The following RIMS2 variants were observed in gnomAD, a reference collection of about 807,000 sequenced individuals.
RIMS2 encodes regulating synaptic membrane exocytosis 2.
In RIMS2, 59 loss-of-function variants were observed where a neutral mutation model predicts 174.4. The ratio of observed to expected loss-of-function variants is 0.34; its 90% CI spans 0.27 to 0.42. The LOEUF (loss-of-function observed/expected upper bound fraction) is 0.42, where lower values mean the gene tolerates loss of function less well. Ranked by LOEUF, RIMS2 falls within the 10% of genes least tolerant of loss-of-function variation. The pLI is 1.00. For synonymous variants in RIMS2, 606 were observed against 572.5 expected, an observed-to-expected ratio of 1.06 and a Z score of -0.84; for missense variants, 1,620 against 1,666.3, an observed-to-expected ratio of 0.97 and a Z score of 0.48.
rs145309892 is a variant in RIMS2 at position 103,760,051 on chromosome 8, G to T, written c.388-6176G>T. 7.9e-5 allele frequency among the ~76,000 whole-genome samples: 12 copies of T among 152,312 alleles called. No individual in the cohort carries two copies. In the East Asian group the frequency reaches 2.3e-3, roughly 29 times the overall value. ...TAAAGAAGAATCTGGCAAGTGTGCT[G>T]TTGACAAAAATCAGATCAAAAATAG... On this transcript the variant is annotated intron_variant, in intron 2 of 23. Transcript: ENST00000504942.
At position 103,526,924 on chromosome 8, in the gene RIMS2, C is replaced by T. The variant is rs141874696; in HGVS notation, c.176+25862C>T. ...AAATTCACAAAGTGCTGCAAAACTA[C>T]GAAGGAGAAATAAAAGAAAACCATA... is the stretch of plus-strand genomic sequence containing the variant. On this transcript the variant is annotated intron_variant, in intron 1 of 23. Transcript: ENST00000504942. Among the ~76,000 whole-genome samples, 407 of 152,056 alleles carry T rather than the reference C, an allele frequency of 2.7e-3. 2 individuals are homozygous for T. Among genetic ancestry groups the T allele is most frequent in the Non-Finnish European group, 4.5e-3 (308 of 68,016 alleles).
At chr8:103,936,831 C>A in intron 13 of RIMS2, 109 bp downstream of exon 15, 1 of 833,530 alleles carries the variant, frequency 1.2e-6, no homozygotes, top group Non-Finnish European at 1.8e-6. Flanking sequence ...CATGGTGGCT[C>A]ATGCCTGTAA....
chr8:104,180,891 C>T (rs1207012977), intron 19 of RIMS2, among the ~76,000 whole-genome samples: 1 of 151,670 alleles, frequency 6.6e-6, no homozygotes, highest in Non-Finnish European at 1.5e-5. Flanking sequence ...CTTTCTAATT[C>T]TTCTCATTTA....
At chr8:104,116,313 T>A (rs2132047622) in intron 19 of RIMS2, among the ~76,000 whole-genome samples, 1 of 152,286 alleles carries the variant, frequency 6.6e-6, no homozygotes, top group South Asian at 2.1e-4. Flanking sequence ...ATCCATGGTA[T>A]TTCACAGGTA....
chr8:103,762,227 T>G (rs1224957775), intron 2 of RIMS2, among the ~76,000 whole-genome samples: 1 of 152,078 alleles, frequency 6.6e-6, no homozygotes, highest in Non-Finnish European at 1.5e-5. Context: ...ATTTCTATAT[T>G]ATTTTTAAAA....
chr8:103,642,606 C>T (rs563736259), intron 1 of RIMS2, among the ~76,000 whole-genome samples: 8 of 152,162 alleles, frequency 5.3e-5, no homozygotes, highest in East Asian at 3.9e-4. Context: ...CCTTGCAAGG[C>T]AGATCTGTTG....
intron 2 of RIMS2, among the ~76,000 whole-genome samples, chr8:103,765,079 C>T (rs1310591588): frequency 1.3e-5 from 2 of 152,020 alleles, no homozygotes; most frequent in Non-Finnish European, 2.9e-5. Context: ...GAAACTTTTA[C>T]TGTGATTATA....
rs1001859106 is a variant in RIMS2 at position 103,772,644 on chromosome 8, A to T, written c.698+6107A>T. 2.0e-5 allele frequency among the ~76,000 whole-genome samples: 3 copies of T among 152,274 alleles called. No homozygotes were observed. In the South Asian group the frequency reaches 6.2e-4, roughly 32 times the overall value. ...TAAAATTAAAATAGAAATGTTTGAA[A>T]TAACCAAAACAGCTTTTAGGAAGAA... On this transcript the variant is annotated intron_variant, in intron 3 of 23. Transcript: ENST00000504942.
chr8:103,851,396 A>C (rs2098997052), intron 3 of RIMS2, among the ~76,000 whole-genome samples: 1 of 151,872 alleles, frequency 6.6e-6, no homozygotes, highest in Non-Finnish European at 1.5e-5. Flanking sequence ...AAACATGAAA[A>C]AAATCTGATA....
chr8:103,557,877 G>A (rs553889300), intron 1 of RIMS2, among the ~76,000 whole-genome samples: 1 of 152,260 alleles, frequency 6.6e-6, no homozygotes, highest in South Asian at 2.1e-4. Flanking sequence ...CTGAAAATGA[G>A]TAGTCTGTGC....
At chr8:103,859,782 G>A (rs1278926329) in intron 3 of RIMS2, among the ~76,000 whole-genome samples, 2 of 152,082 alleles carry the variant, frequency 1.3e-5, no homozygotes, top group African/African-American at 4.8e-5. Flanking sequence ...TACTTGTTAT[G>A]TGGTCTAGCA....
intron 1 of RIMS2, among the ~76,000 whole-genome samples, chr8:103,608,867 A>G (rs963011929): frequency 2.6e-5 from 4 of 152,268 alleles, no homozygotes; most frequent in African/African-American, 9.6e-5. Flanking sequence ...CGGTGCACGC[A>G]CCCACTGACC....
chr8:103,795,969 G>C (rs1415316306), intron 3 of RIMS2, among the ~76,000 whole-genome samples: 1 of 152,006 alleles, frequency 6.6e-6, no homozygotes, highest in African/African-American at 2.4e-5. Context: ...TCATCCCCTA[G>C]CCCATCTTAT....
At chr8:103,551,379 G>C (rs1313060746) in intron 1 of RIMS2, among the ~76,000 whole-genome samples, 1 of 152,062 alleles carries the variant, frequency 6.6e-6, no homozygotes, top group Non-Finnish European at 1.5e-5. Flanking sequence ...TGCAGAAAAG[G>C]CCTTTGACAA....
chr8:103,867,869 T>C (rs935523620), intron 3 of RIMS2, among the ~76,000 whole-genome samples: 6 of 152,036 alleles, frequency 3.9e-5, no homozygotes, highest in African/African-American at 1.4e-4. Context: ...CTTTAGTTGG[T>C]ATAAAACACT....
intron 19 of RIMS2, among the ~76,000 whole-genome samples, chr8:104,111,053 G>T (rs1298118103): frequency 6.6e-6 from 1 of 151,956 alleles, no homozygotes; most frequent in African/African-American, 2.4e-5. Flanking sequence ...TACAAAATAT[G>T]GGGTTGTCTA....
chr8:104,035,859 A>G (rs2096502768), intron 19 of RIMS2, among the ~76,000 whole-genome samples: 1 of 152,074 alleles, frequency 6.6e-6, no homozygotes, highest in Non-Finnish European at 1.5e-5. Flanking sequence ...TTCTTAATTG[A>G]AAAAATTTAT....
chr8:103,541,555 A>G (rs892492951), intron 1 of RIMS2, among the ~76,000 whole-genome samples: 2 of 152,240 alleles, frequency 1.3e-5, no homozygotes, highest in Non-Finnish European at 2.9e-5. Flanking sequence ...AAGAAAAGAA[A>G]TGCTTTCCAA....
rs114417368 is a variant in RIMS2, at chr8:103,763,870, A to G, written c.388-2357A>G. On this transcript the variant is annotated intron_variant, in intron 2 of 23. Transcript: ENST00000504942. ...AGGTAAACTGACAAGGCTGTGTATG[A>G]ACTCCTTTGGTCTTAGCCAGTCTGA... is the stretch of plus-strand genomic sequence containing the variant. Among the ~76,000 whole-genome samples, 934 of 152,314 alleles carry G rather than the reference A, an allele frequency of 6.1e-3. 12 individuals carry two copies. Among genetic ancestry groups the G allele is most frequent in the African/African-American group, 0.021 (884 of 41,570 alleles).
Sources: allele counts gnomAD v4.1 joint callset (sites outside exome capture counted in the v4.1 genomes callset), GRCh38; gene constraint gnomAD v4.1.1; transcripts MANE v1.5; gene names NCBI Gene and HGNC (gene_info 2026-07-23, HGNC 2026-07-21).